Variants in PLS3 observed in about 807,000 individuals in gnomAD.
PLS3 encodes plastin 3.
PLS3 carries 11 observed loss-of-function variants against 46.5 expected under a neutral mutation model. The observed-to-expected ratio is 0.24, with a 90% CI of 0.15 to 0.39. The LOEUF (loss-of-function observed/expected upper bound fraction) is 0.39. Among genes scored for constraint, PLS3 ranks in the 10% least tolerant of loss-of-function variants. PLS3 has a pLI of 1.00. For missense variants in PLS3, 308 were observed against 461.8 expected, an observed-to-expected ratio of 0.67 and a Z score of 3.05; for synonymous variants, 167 against 162.2, an observed-to-expected ratio of 1.03 and a Z score of -0.22.
chrX:115,603,378 CT>C (rs1433583169), intron 1 of PLS3, among the ~76,000 whole-genome samples: 2 of 111,371 alleles, frequency 1.8e-5, no homozygotes, highest in African/African-American at 3.3e-5. Context: ...GAAGGGCTGG[CT>C]TTTTTCTACA....
At chrX:115,593,836 A>G (rs1180128263) in intron 1 of PLS3, among the ~76,000 whole-genome samples, 5 of 111,594 alleles carry the variant, frequency 4.5e-5, no homozygotes, top group African/African-American at 1.6e-4. Context: ...TGAAGTTTAG[A>G]TTCTAACCTG....
At chrX:115,597,812 T>A (rs1213516404) in intron 1 of PLS3, among the ~76,000 whole-genome samples, 2 of 111,799 alleles carry the variant, frequency 1.8e-5, no homozygotes, top group African/African-American at 6.5e-5. Context: ...TATATAATAA[T>A]GCCTCATGAG....
At chrX:115,635,094 C>G (rs781985315) in intron 7 of PLS3, 48 bp downstream of exon 7, 2 of 1,087,739 alleles carry the variant, frequency 1.8e-6, no homozygotes, top group Non-Finnish European at 2.5e-6. Flanking sequence ...TTATTTTTTT[C>G]TAGTCATGCA....
At chrX:115,608,636 G>A in intron 1 of PLS3, among the ~76,000 whole-genome samples, 1 of 111,910 alleles carries the variant, frequency 8.9e-6, no homozygotes, top group African/African-American at 3.2e-5. Context: ...TATTCTTACT[G>A]TACCTTTTCT....
intron 1 of PLS3, among the ~76,000 whole-genome samples, chrX:115,570,046 C>T (rs1556630517): frequency 3.6e-5 from 4 of 111,368 alleles, no homozygotes; most frequent in African/African-American, 6.5e-5. Flanking sequence ...AAGCGATTCT[C>T]CTGCCTCAGC....
At chrX:115,644,198 C>T (rs2147580032) in intron 10 of PLS3, among the ~76,000 whole-genome samples, 1 of 110,761 alleles carries the variant, frequency 9.0e-6, no homozygotes, top group South Asian at 3.9e-4. Flanking sequence ...TCACCTTTAC[C>T]TCCTCAAGAA....
At chrX:115,640,703 T>G (rs891879522) in intron 9 of PLS3, among the ~76,000 whole-genome samples, 200 bp downstream of exon 9, 3 of 112,067 alleles carry the variant, frequency 2.7e-5, no homozygotes, top group Non-Finnish European at 5.6e-5. Context: ...CCATCGTTGT[T>G]GTGGTATTGA....
chrX:115,628,227 A>G (rs1312694880), intron 3 of PLS3, among the ~76,000 whole-genome samples: 1 of 112,375 alleles, frequency 8.9e-6, no homozygotes, highest in Non-Finnish European at 1.9e-5. Context: ...TGAACCGCAG[A>G]CATAGGCTGC....
chrX:115,648,387 C>T (rs1459242476), intron 15 of PLS3, among the ~76,000 whole-genome samples: 4 of 110,901 alleles, frequency 3.6e-5, no homozygotes, highest in African/African-American at 1.3e-4. Context: ...ACGCATTATC[C>T]ACTTATGTCT....
intron 1 of PLS3, among the ~76,000 whole-genome samples, chrX:115,596,380 A>G (rs2074389008): frequency 8.9e-6 from 1 of 111,901 alleles, no homozygotes; most frequent in South Asian, 3.7e-4. Context: ...CCAAGATACA[A>G]AGTCAAATAA....
chrX:115,619,212 A>G (rs2074625680), intron 2 of PLS3, among the ~76,000 whole-genome samples: 1 of 112,460 alleles, frequency 8.9e-6, no homozygotes, highest in Admixed American at 9.4e-5. Context: ...CTCCTTTTAC[A>G]GATGAGAAAA....
rs148650398 is a variant in PLS3 at position 115,594,552 on chromosome X, G to A, written c.-8-15691G>A. Among the ~76,000 whole-genome samples, 22 of 110,139 alleles carry A rather than the reference G, an allele frequency of 2.0e-4. No homozygotes were observed. The East Asian group carries it at 4.3e-3, about 21-fold the overall frequency. The stretch of plus-strand genomic sequence containing the variant: ...GTGTATATAGTGATTTGAGTTGTAG[G>A]TCACAATATTTTATGGCATTTTTAT... On this transcript the variant is annotated intron_variant, in intron 1 of 15. Coordinates refer to ENST00000355899, the MANE Select transcript of PLS3 (RefSeq NM_005032.7).
chrX:115,646,261 C>CT, intron 12 of PLS3, 75 bp downstream of exon 12: 2 of 883,298 alleles, frequency 2.3e-6, no homozygotes, highest in Non-Finnish European at 1.6e-6. Context: ...TTCTAAAACT[C>CT]TTGACGCTGA....
chrX:115,598,663 G>A (rs933076168), intron 1 of PLS3, among the ~76,000 whole-genome samples: 6 of 111,550 alleles, frequency 5.4e-5, no homozygotes, highest in African/African-American at 2.0e-4. Context: ...ATACTTGAGT[G>A]TTTGTTTTAT....
intron 6 of PLS3, 105 bp from the exon 7 acceptor site, chrX:115,634,776 G>A (rs1556639913): frequency 1.5e-5 from 11 of 709,747 alleles, no homozygotes; most frequent in Non-Finnish European, 4.2e-6. Flanking sequence ...AATTAATACA[G>A]GGTATTAATT....
At chrX:115,647,492 T>A in intron 13 of PLS3, 58 bp from the exon 14 acceptor site, 2 of 1,054,934 alleles carry the variant, frequency 1.9e-6, no homozygotes, top group Non-Finnish European at 2.6e-6. Flanking sequence ...ATCTTTCTGA[T>A]GTTTGCATTT....
chrX:115,588,042 T>C (rs2074321648), intron 1 of PLS3, among the ~76,000 whole-genome samples: 1 of 112,340 alleles, frequency 8.9e-6, no homozygotes, highest in Admixed American at 9.5e-5. Context: ...TGTATCAGCA[T>C]TTGGAAGACC....
chrX:115,611,261 C>A (rs148934042), intron 2 of PLS3, among the ~76,000 whole-genome samples: 12 of 112,819 alleles, frequency 1.1e-4, no homozygotes, highest in African/African-American at 3.2e-4. Context: ...GAATAATGAC[C>A]CCAGCCAGAG....
intron 1 of PLS3, among the ~76,000 whole-genome samples, chrX:115,600,638 G>A (rs1556634451): frequency 8.9e-6 from 1 of 112,539 alleles, no homozygotes; most frequent in Non-Finnish European, 1.9e-5. Context: ...AAGAATCTAT[G>A]TAAAGAAGGT....
Sources: gnomAD v4.1 joint callset for allele counts (sites outside exome capture counted in the v4.1 genomes callset) on GRCh38, gnomAD v4.1.1 for gene constraint, MANE v1.5 for transcripts, NCBI Gene and HGNC (gene_info 2026-07-23, HGNC 2026-07-21) for gene names.